TRPM6: variants seen among roughly 807,000 people sequenced by gnomAD.
The protein encoded by TRPM6 is transient receptor potential cation channel subfamily M member 6.
A neutral mutation model predicts 247.6 loss-of-function variants in TRPM6; 111 were observed. The observed-to-expected ratio is 0.45, with a 90% CI of 0.38 to 0.52. TRPM6 has a LOEUF of 0.52. TRPM6 is among the 20% of genes least tolerant of loss of function. The pLI is 0.00. For synonymous variants in TRPM6, 892 were observed against 853.8 expected (o/e 1.04, Z -0.78); for missense variants, 2,126 against 2,421.5 (o/e 0.88, Z 2.56).
Position 74,728,241 on chromosome 9 carries a change from G to C in TRPM6, c.5933C>G (p.Pro1978Arg). Residue 1978 changes from proline (P) to arginine (R), a missense_variant and splice_region_variant, in exon 38 of 39, where the codon CCG (proline) becomes CGG (arginine). This residue lies in a region of TRPM6 where 327 missense variants were observed against 397.7 expected (regional missense o/e 0.82). Coordinates refer to ENST00000360774, the MANE Select transcript of TRPM6 (RefSeq NM_017662.5). ...CNSCCRKLKL[P>R]DLKRNDYSPE... ...AAAAAGAACTGTTAGTGGCATACCC[G>C]GGAGTTTGAGCTTCCGGCAGCAGGA... The C allele has an allele frequency of 6.2e-7, 1 of 1,611,504 alleles. No homozygotes were observed. The highest frequency in any genetic ancestry group is 8.5e-7 in the Non-Finnish European group (1 of 1,177,638).
intron 5 of TRPM6, among the ~76,000 whole-genome samples, chr9:74,835,261 G>A (rs909089622): frequency 3.7e-4 from 57 of 152,196 alleles, no homozygotes; most frequent in African/African-American, 1.3e-3. Context: ...CATATCCTTT[G>A]CCCACTTTTT....
chr9:74,814,836 C>G (rs935600764), intron 11 of TRPM6, among the ~76,000 whole-genome samples: 1 of 152,112 alleles, frequency 6.6e-6, no homozygotes, highest in Non-Finnish European at 1.5e-5. Context: ...GTGGTCCCAG[C>G]TACTCAGGAG....
chr9:74,813,398 A>C (rs548447936), intron 11 of TRPM6, among the ~76,000 whole-genome samples: 1 of 152,234 alleles, frequency 6.6e-6, no homozygotes, highest in African/African-American at 2.4e-5. Flanking sequence ...TCCAACAAAA[A>C]CAAAATACAT....
At chr9:74,735,675 T>C (rs1825673092) in intron 36 of TRPM6, among the ~76,000 whole-genome samples, 1 of 152,230 alleles carries the variant, frequency 6.6e-6, no homozygotes, top group African/African-American at 2.4e-5. Context: ...TTTTAATTCC[T>C]GTTGCTGGGA....
At chr9:74,781,411 CTGT>C (rs1827440012) in intron 23 of TRPM6, among the ~76,000 whole-genome samples, 1 of 151,582 alleles carries the variant, frequency 6.6e-6, no homozygotes, top group Admixed American at 6.6e-5. Flanking sequence ...TGGCAGGCGC[CTGT>C]AATCCCATCT....
chr9:74,838,901 G>C (rs768893552), intron 5 of TRPM6, among the ~76,000 whole-genome samples: 9 of 152,152 alleles, frequency 5.9e-5, no homozygotes, highest in African/African-American at 2.2e-4. Context: ...CCTGAGGTCA[G>C]GAGTTCGAGG....
In TRPM6 at chr9:74,813,807, G is replaced by A. The variant is rs577885925; in HGVS notation, c.1309-1374C>T. Among the ~76,000 whole-genome samples the A allele has an allele frequency of 1.1e-4, 17 of 152,256 alleles. No homozygotes were observed. The East Asian group carries it at 1.2e-3, about 10-fold the overall frequency. ...CCTCAAAAAGGTAAAAGAAGATATC[G>A]TATTCTGGGCCGGGCACAGGGGCTC... On this transcript the variant is annotated intron_variant, in intron 11 of 38. Coordinates refer to ENST00000360774, the MANE Select transcript of TRPM6 (RefSeq NM_017662.5).
chr9:74,869,363 G>A (rs955635649), intron 1 of TRPM6, among the ~76,000 whole-genome samples: 8 of 151,566 alleles, frequency 5.3e-5, no homozygotes, highest in Non-Finnish European at 1.0e-4. Flanking sequence ...CCAGCTACTC[G>A]GGAAGCTGAG....
intron 17 of TRPM6, among the ~76,000 whole-genome samples, chr9:74,797,754 T>G (rs1402153501): frequency 6.6e-6 from 1 of 152,176 alleles, no homozygotes; most frequent in Non-Finnish European, 1.5e-5. Context: ...CTGTAATTAT[T>G]TATCTCTAGG....
At chr9:74,754,634 T>C (rs1214852882) in intron 28 of TRPM6, among the ~76,000 whole-genome samples, 1 of 152,240 alleles carries the variant, frequency 6.6e-6, no homozygotes, top group Non-Finnish European at 1.5e-5. Context: ...TTCAATACAA[T>C]GTCTACCTGT....
intron 29 of TRPM6, among the ~76,000 whole-genome samples, chr9:74,751,919 C>G (rs545314481): frequency 6.6e-6 from 1 of 152,196 alleles, no homozygotes; most frequent in Admixed American, 6.5e-5. Flanking sequence ...GATTCTAGAT[C>G]TACCTCTTAA....
At chr9:74,873,677 T>C (rs1363576624) in intron 1 of TRPM6, among the ~76,000 whole-genome samples, 1 of 152,174 alleles carries the variant, frequency 6.6e-6, no homozygotes, top group Non-Finnish European at 1.5e-5. Context: ...CCTAAATCAT[T>C]TACCTTAAGA....
chr9:74,730,515 T>C (rs374140378), intron 37 of TRPM6, among the ~76,000 whole-genome samples: 23 of 152,314 alleles, frequency 1.5e-4, no homozygotes, highest in African/African-American at 5.3e-4. Flanking sequence ...CTTCCTTTCA[T>C]TGTTGTTGCA....
intron 6 of TRPM6, among the ~76,000 whole-genome samples, chr9:74,829,560 A>G (rs1829473953): frequency 6.6e-6 from 1 of 152,160 alleles, no homozygotes; most frequent in African/African-American, 2.4e-5. Context: ...GGATGATGAT[A>G]CTGATAATTT....
Position 74,752,277 on chromosome 9 carries a change from C to G in TRPM6, c.4998G>C (p.Glu1666Asp). ...QISDYLKQSQEDLSKNSLWNS... is the reference protein window; with the variant it reads ...QISDYLKQSQDDLSKNSLWNS... Reference sequence around the variant, plus strand: ...TTTTTAACTCCTAAAATATTTTTACCTCTTGAGACTGCTTTAGGTAATCAC... The same window carrying G: ...TTTTTAACTCCTAAAATATTTTTACGTCTTGAGACTGCTTTAGGTAATCAC... The change falls in exon 29 of 39, where the codon GAG becomes GAC. Residue 1666 changes from glutamate to aspartate, a missense_variant and splice_region_variant. By Grantham distance (45) the Glu-to-Asp change is conservative. Around this residue, in one of 3 missense-constraint regions of TRPM6, gnomAD observed 717 missense variants for 715.9 expected, o/e 1.00. Transcript: ENST00000360774. The G allele has an allele frequency of 6.4e-7, 1 of 1,563,442 alleles. No homozygotes were observed. Among genetic ancestry groups the G allele is most frequent in the Non-Finnish European group, 8.8e-7 (1 of 1,138,594 alleles).
intron 3 of TRPM6, 148 bp downstream of exon 3, chr9:74,855,379 A>G (rs1412063821): frequency 2.9e-6 from 2 of 698,324 alleles, no homozygotes; most frequent in Non-Finnish European, 5.2e-6. Flanking sequence ...CTCACTCTCC[A>G]TCAAAAACAT....
In TRPM6 at chr9:74,792,225, A is replaced by T. The variant is rs559045410; in HGVS notation, c.2538+399T>A. Among the ~76,000 whole-genome samples, 290 of 152,346 alleles carry T rather than the reference A, an allele frequency of 1.9e-3. 1 individual carries two copies. The highest frequency in any genetic ancestry group is 3.1e-3 in the South Asian group (15 of 4,828). ...AACATACTTGAGGGACTCTGATAGG[A>T]GTGCCGAGAGAGTTTTAACCACAGT... is the stretch of plus-strand genomic sequence containing the variant. On this transcript the variant is annotated intron_variant, in intron 19 of 38. Coordinates refer to ENST00000360774, the MANE Select transcript of TRPM6 (RefSeq NM_017662.5).
intron 1 of TRPM6, among the ~76,000 whole-genome samples, chr9:74,877,297 T>C (rs1831223562): frequency 6.6e-6 from 1 of 152,118 alleles, no homozygotes; most frequent in Admixed American, 6.6e-5. Context: ...AATTCATAAT[T>C]GTCAAAAAGT....
chr9:74,772,747 C>T (rs906422110), intron 24 of TRPM6, among the ~76,000 whole-genome samples: 1 of 152,180 alleles, frequency 6.6e-6, no homozygotes, highest in Non-Finnish European at 1.5e-5. Context: ...GTGGCTCACA[C>T]CTGTAATCCC....
Sources: allele counts gnomAD v4.1 joint callset (sites outside exome capture counted in the v4.1 genomes callset), GRCh38; gene constraint gnomAD v4.1.1; regional missense constraint gnomAD v4.1.1; transcripts MANE v1.5; gene names NCBI Gene and HGNC (gene_info 2026-07-23, HGNC 2026-07-21).